The following SS18L1 variants were observed in gnomAD, a reference collection of about 807,000 sequenced individuals.
SS18L1 encodes SS18L1 subunit of BAF chromatin remodeling complex.
A neutral mutation model predicts 70.3 loss-of-function variants in SS18L1; 32 were observed. The observed-to-expected ratio is 0.46, with a 90% CI of 0.34 to 0.61. SS18L1 has a LOEUF of 0.61. SS18L1 is among the 20% of genes least tolerant of loss of function. SS18L1 has a pLI of 0.01. For missense variants in SS18L1, 430 were observed against 542.1 expected, an observed-to-expected ratio of 0.79 and a Z score of 2.05; for synonymous variants, 237 against 229.7, an observed-to-expected ratio of 1.03 and a Z score of -0.29.
chr20:62,177,685 G>C (rs186159414), intron 10 of SS18L1, among the ~76,000 whole-genome samples: 10 of 152,196 alleles, frequency 6.6e-5, no homozygotes, highest in African/African-American at 2.4e-4. Context: ...TTGTGGCCTT[G>C]TGGGGCACAG....
At chr20:62,162,304 TTTC>T (rs1394797196) in intron 4 of SS18L1, among the ~76,000 whole-genome samples, 5 of 146,778 alleles carry the variant, frequency 3.4e-5, no homozygotes, top group African/African-American at 8.3e-5. Flanking sequence ...TTTGTTTTCT[TTTC>T]TTTTTTTTTT....
At chr20:62,177,305 T>C (rs945435915) in intron 10 of SS18L1, among the ~76,000 whole-genome samples, 29 of 149,672 alleles carry the variant, frequency 1.9e-4, no homozygotes, top group African/African-American at 4.4e-4. Flanking sequence ...TGCTGAGGCA[T>C]TGGGGCTGCC....
intron 1 of SS18L1, among the ~76,000 whole-genome samples, chr20:62,153,075 G>A (rs2057162655): frequency 1.3e-5 from 2 of 152,194 alleles, no homozygotes; most frequent in South Asian, 4.1e-4. Flanking sequence ...GAGGCCTCAG[G>A]AAACTTAGAA....
chr20:62,169,548 G>A (rs1057357340), intron 8 of SS18L1, among the ~76,000 whole-genome samples: 2 of 152,206 alleles, frequency 1.3e-5, no homozygotes, highest in African/African-American at 2.4e-5. Flanking sequence ...GGAGGCTGAG[G>A]CGGGTGGATC....
intron 6 of SS18L1, among the ~76,000 whole-genome samples, 188 bp from the exon 7 acceptor site, chr20:62,163,957 G>A (rs2057379769): frequency 6.6e-6 from 1 of 152,174 alleles, no homozygotes; most frequent in Non-Finnish European, 1.5e-5. Flanking sequence ...CTCAAGACCA[G>A]CCTGGCCAAC....
At chr20:62,144,011 G>A in intron 1 of SS18L1, 122 bp downstream of exon 1, 1 of 591,634 alleles carries the variant, frequency 1.7e-6, no homozygotes, top group Non-Finnish European at 2.1e-6. Flanking sequence ...CCGGGCGGCC[G>A]CGAGCCCCGA....
At chr20:62,154,857 A>G (rs1286602039) in intron 1 of SS18L1, among the ~76,000 whole-genome samples, 1 of 151,474 alleles carries the variant, frequency 6.6e-6, no homozygotes, top group East Asian at 1.9e-4. Context: ...GCGCTGGCCC[A>G]CTCCCTTTCT....
At chr20:62,145,102 T>C (rs181832441) in intron 1 of SS18L1, among the ~76,000 whole-genome samples, 124 of 152,366 alleles carry the variant, frequency 8.1e-4, no homozygotes, top group African/African-American at 2.9e-3. Flanking sequence ...ACAGGAGAGA[T>C]TGAGAATAGC....
intron 1 of SS18L1, among the ~76,000 whole-genome samples, chr20:62,154,943 C>G (rs753306333): frequency 1.3e-5 from 2 of 152,172 alleles, no homozygotes; most frequent in Non-Finnish European, 2.9e-5. Context: ...TATCCCGCCC[C>G]TCTGTTGAAT....
chr20:62,158,836 C>A lies in SS18L1; in HGVS notation c.146+88C>A. On this transcript the variant is annotated intron_variant, in intron 2 of 10. Transcript: ENST00000331758. The surrounding 1 kb of genome is among the most constrained non-coding windows in gnomAD (Gnocchi z 4.5). ...CAGATACGTCCCAAGAGTCCCCCAG[C>A]ACAGAGATCAGATAAGTCCCAGGAG... The A allele has an allele frequency of 6.2e-7, 1 of 1,611,226 alleles. No individual in the cohort carries two copies. Among genetic ancestry groups the A allele is most frequent in the Non-Finnish European group, 8.5e-7 (1 of 1,179,102 alleles).
At position 62,161,921 on chromosome 20, in the gene SS18L1, A is replaced by G. The variant is rs780494548; in HGVS notation, c.376+341A>G. 6.6e-6 allele frequency among the ~76,000 whole-genome samples: 1 copy of G among 152,240 alleles called. No homozygotes were observed. The highest frequency in any genetic ancestry group is 2.1e-4 in the South Asian group (1 of 4,834). On this transcript the variant is annotated intron_variant, in intron 4 of 10. Transcript: ENST00000331758. The surrounding 1 kb of genome is among the most constrained non-coding windows in gnomAD (Gnocchi z 4.4). ...GAAGCATGGATAACGTTTGGAGACC[A>G]TTAACAGTAATATAACAGGCCGGGT...
chr20:62,173,884 C>T (rs1041840920), intron 9 of SS18L1, among the ~76,000 whole-genome samples: 2 of 151,894 alleles, frequency 1.3e-5, no homozygotes, highest in Admixed American at 6.6e-5. Flanking sequence ...CATGGTGGCA[C>T]ACTCCTGTGG....
chr20:62,169,851 G>A (rs1041101935), intron 8 of SS18L1, among the ~76,000 whole-genome samples: 17 of 107,776 alleles, frequency 1.6e-4, no homozygotes, highest in African/African-American at 6.8e-4. Context: ...TGTCCACACC[G>A]TCCACACCTC....
intron 7 of SS18L1, 37 bp downstream of exon 7, chr20:62,164,283 G>A (rs142116402): frequency 1.0e-5 from 16 of 1,532,444 alleles, no homozygotes; most frequent in South Asian, 9.7e-5. Context: ...GCCCAGGAAC[G>A]CAGAGCAGCT....
chr20:62,174,532 C>G lies in SS18L1; in HGVS notation c.1052C>G (p.Ala351Gly). The G allele has an allele frequency of 6.2e-7, 1 of 1,614,034 alleles. No homozygotes were observed. The highest frequency in any genetic ancestry group is 8.5e-7 in the Non-Finnish European group (1 of 1,180,018). ...GTCTTCTCAGGGTCTGCCCAGGGAG[C>G]CCCGTCACAGTACCCCGGCTACCAG... is the stretch of plus-strand genomic sequence containing the variant. The part of the protein sequence containing the change: ...QQQGYGSAQG[A>G]PSQYPGYQQG... Residue 351 changes from alanine (A) to glycine (G), a missense_variant, in exon 10 of 11, where the codon GCC (alanine) becomes GGC (glycine). Transcript: ENST00000331758. The surrounding 1 kb of genome is among the most constrained non-coding windows in gnomAD (Gnocchi z 4.1).
At chr20:62,167,102 G>A (rs2057449920) in intron 8 of SS18L1, among the ~76,000 whole-genome samples, 1 of 136,310 alleles carries the variant, frequency 7.3e-6, no homozygotes, top group Non-Finnish European at 1.5e-5. Flanking sequence ...CTGGAGTGCA[G>A]TGGTATGATC....
chr20:62,169,756 G>A (rs1257136478), intron 8 of SS18L1, among the ~76,000 whole-genome samples: 1 of 151,956 alleles, frequency 6.6e-6, no homozygotes, highest in Non-Finnish European at 1.5e-5. Flanking sequence ...TCCAGCCTGG[G>A]GCGGCAAAGC....
Position 62,172,668 on chromosome 20 carries a change from C to T in SS18L1, c.917-14C>T. 1.2e-6 allele frequency: 2 copies of T among 1,614,150 alleles called. No individual in the cohort carries two copies. The highest frequency in any genetic ancestry group is 1.1e-5 in the South Asian group (1 of 91,086). On this transcript the variant is annotated splice_polypyrimidine_tract_variant and intron_variant, in intron 8 of 10. Coordinates refer to ENST00000331758, the MANE Select transcript of SS18L1 (RefSeq NM_198935.3). ...GGTGGGGAAAGTCATTTCTGTGTCT[C>T]CTCCTCCCTCCAGGAAACTCCCAGT...
At chr20:62,152,340 C>CCA (rs1419793815) in intron 1 of SS18L1, among the ~76,000 whole-genome samples, 2 of 152,248 alleles carry the variant, frequency 1.3e-5, no homozygotes, top group Non-Finnish European at 2.9e-5. Context: ...TGGGATCTCA[C>CCA]CACCCCTCCT....
Sources: allele counts gnomAD v4.1 joint callset (sites outside exome capture counted in the v4.1 genomes callset), GRCh38; gene constraint gnomAD v4.1.1; non-coding constraint Gnocchi (gnomAD v3.1); transcripts MANE v1.5; gene names NCBI Gene and HGNC (gene_info 2026-07-23, HGNC 2026-07-21).